The following ALPK1 variants were observed in gnomAD, a reference collection of about 807,000 sequenced individuals.
ALPK1 encodes the protein alpha-protein kinase 1.
Under a neutral mutation model 120.6 loss-of-function variants are expected in ALPK1, and 110 were observed. That is an observed-to-expected ratio of 0.91 (90% CI 0.78 to 1.07). ALPK1 has a LOEUF of 1.07. Ranked by LOEUF, ALPK1 falls within the 50% of genes least tolerant of loss-of-function variation. ALPK1 has a pLI of 0.00. For synonymous variants in ALPK1, 582 were observed against 560.3 expected (o/e 1.04, Z -0.55); for missense variants, 1,498 against 1,483.9 (o/e 1.01, Z -0.16).
At chr4:112,390,404 T>C (rs1335533847) in intron 4 of ALPK1, among the ~76,000 whole-genome samples, 4 of 152,228 alleles carry the variant, frequency 2.6e-5, no homozygotes, top group Admixed American at 2.6e-4. Context: ...CTATAAGGTA[T>C]CACCTTTTCA....
chr4:112,355,598 G>A (rs1296800504), intron 2 of ALPK1, among the ~76,000 whole-genome samples: 1 of 152,234 alleles, frequency 6.6e-6, no homozygotes, highest in Non-Finnish European at 1.5e-5. Context: ...ATGGAACGGA[G>A]ACCCTGGTCG....
intron 2 of ALPK1, among the ~76,000 whole-genome samples, chr4:112,373,366 C>A (rs1731502840): frequency 6.6e-6 from 1 of 152,192 alleles, no homozygotes; most frequent in Non-Finnish European, 1.5e-5. Flanking sequence ...CTGCTCAGTT[C>A]TTTTCCTAGG....
In ALPK1 at chr4:112,411,832, C is replaced by T. The variant is rs755738158; in HGVS notation, c.282C>T (p.Ser94=). The change falls in exon 5 of 16, where the codon TCC becomes TCT. Residue 94 remains serine, a synonymous_variant. Transcript: ENST00000650871. The part of the protein sequence containing the change: ...IGAGLQQLLA[S]LRASILARDC... Reference sequence around the variant, plus strand: ...GTTCCACGCTGTTCCTCCAGGCGTCCCTGAGGGCCTCCATCCTCGCTCGGG... The same window carrying T: ...GTTCCACGCTGTTCCTCCAGGCGTCTCTGAGGGCCTCCATCCTCGCTCGGG... 1 of 1,611,048 alleles carries T rather than the reference C, an allele frequency of 6.2e-7. No individual in the cohort carries two copies. Among genetic ancestry groups the T allele is most frequent in the South Asian group, 1.1e-5 (1 of 90,566 alleles).
At chr4:112,432,636 C>A in intron 11 of ALPK1, 55 bp downstream of exon 11, 3 of 1,503,652 alleles carry the variant, frequency 2.0e-6, no homozygotes, top group Non-Finnish European at 2.7e-6. Flanking sequence ...TGTTGGGGCA[C>A]TCTGAAGAGC....
chr4:112,377,952 C>A, intron 3 of ALPK1, 54 bp downstream of exon 3: 1 of 1,536,402 alleles, frequency 6.5e-7, no homozygotes, highest in South Asian at 1.2e-5. Context: ...ACTCTCCTGT[C>A]CCCTGCCTGA....
intron 2 of ALPK1, chr4:112,358,058 C>T (rs1039708112): frequency 5.8e-5 from 34 of 588,518 alleles, no homozygotes; most frequent in Non-Finnish European, 1.1e-4. Flanking sequence ...CACGGGCCTC[C>T]ATAGCCCCCA....
At chr4:112,439,897 T>C in intron 14 of ALPK1, 25 bp downstream of exon 14, 2 of 1,525,532 alleles carry the variant, frequency 1.3e-6, no homozygotes, top group Non-Finnish European at 1.8e-6. Context: ...GAATTATTTT[T>C]ATTTTTAATA....
intron 2 of ALPK1, chr4:112,356,050 T>G: frequency 1.3e-6 from 1 of 785,102 alleles, no homozygotes; most frequent in Non-Finnish European, 2.3e-6. Flanking sequence ...GCTGAGAGCC[T>G]GAGATGTTTG....
chr4:112,354,989 C>A (rs558126975), intron 2 of ALPK1, among the ~76,000 whole-genome samples: 187 of 152,182 alleles, frequency 1.2e-3, no homozygotes, highest in Middle Eastern at 3.4e-3. Context: ...GAGATTTTGA[C>A]TGGAGTTGCA....
At chr4:112,325,378 G>C (rs954963145) in intron 2 of ALPK1, among the ~76,000 whole-genome samples, 4 of 152,154 alleles carry the variant, frequency 2.6e-5, no homozygotes, top group African/African-American at 9.7e-5. Context: ...GACTTAAACA[G>C]TTCCTTAGAA....
At chr4:112,377,965 G>A in intron 3 of ALPK1, 67 bp downstream of exon 3, 4 of 1,496,946 alleles carry the variant, frequency 2.7e-6, no homozygotes, top group Non-Finnish European at 3.6e-6. Context: ...CTGCCTGAAC[G>A]ACACGTTCTT....
At chr4:112,392,459 C>T (rs1484705328) in intron 4 of ALPK1, among the ~76,000 whole-genome samples, 1 of 152,182 alleles carries the variant, frequency 6.6e-6, no homozygotes, top group Non-Finnish European at 1.5e-5. Flanking sequence ...AGCATATCAT[C>T]TCATTCTTAG....
chr4:112,432,114 A>G lies in ALPK1; in HGVS notation c.2567A>G (p.Gln856Arg), dbSNP rs762656276. Residue 856 changes from glutamine (Q) to arginine (R), a missense_variant, in exon 11 of 16, where the codon CAA becomes CGA. By Grantham distance (43) the Gln-to-Arg change is conservative. Transcript: ENST00000650871. ...GCCTCCACAGTGGATGAGGAGGGGC[A>G]ACTGCTCGACAGCATGGATGTTCCC... ...PDASTVDEEG[Q>R]LLDSMDVPCT... 5 of 1,614,086 alleles carry G rather than the reference A, an allele frequency of 3.1e-6. No individual in the cohort carries two copies. In the African/African-American group the frequency reaches 6.7e-5, roughly 22 times the overall value.
At position 112,382,427 on chromosome 4, in the gene ALPK1, A is replaced by T; in HGVS notation, c.151A>T (p.Ile51Phe). The change falls in exon 4 of 16, where the codon ATC becomes TTC. Residue 51 changes from isoleucine (I) to phenylalanine (F), a missense_variant. By Grantham distance (21) the Ile-to-Phe change is conservative (BLOSUM62 0). Coordinates refer to ENST00000650871, the MANE Select transcript of ALPK1 (RefSeq NM_025144.4). ...ACTCCCCAGCGAGTTAAGGACCCTG[A>T]TCCAGGAGGCAAAGGAAATGAAGTG... ...ALLPSELRTL[I>F]QEAKEMKWPF... The T allele has an allele frequency of 6.2e-7, 1 of 1,613,484 alleles. No individual in the cohort carries two copies. The highest frequency in any genetic ancestry group is 8.5e-7 in the Non-Finnish European group (1 of 1,179,978).
intron 13 of ALPK1, among the ~76,000 whole-genome samples, 170 bp from the exon 14 acceptor site, chr4:112,439,516 C>A (rs1168911207): frequency 6.6e-6 from 1 of 152,206 alleles, no homozygotes; most frequent in Non-Finnish European, 1.5e-5. Context: ...CTTGCATAAT[C>A]CCTTTAACAA....
Position 112,329,989 on chromosome 4 carries a change from G to A in ALPK1, c.-101+14137G>A, listed in dbSNP as rs376901365. Among the ~76,000 whole-genome samples the A allele has an allele frequency of 3.3e-5, 5 of 152,214 alleles. No individual in the cohort carries two copies. The East Asian group carries it at 5.8e-4, about 18-fold the overall frequency. ...TATTTACTTAAGTACATATGAAAAG[G>A]AATTGAAGTGACATGCACTACTAAA... is the stretch of plus-strand genomic sequence containing the variant. On this transcript the variant is annotated intron_variant, in intron 2 of 15. Coordinates refer to ENST00000650871, the MANE Select transcript of ALPK1 (RefSeq NM_025144.4).
intron 4 of ALPK1, among the ~76,000 whole-genome samples, chr4:112,385,024 C>T (rs1732091386): frequency 6.6e-6 from 1 of 152,128 alleles, no homozygotes; most frequent in Non-Finnish European, 1.5e-5. Flanking sequence ...AGTGACTCAG[C>T]TTTGACTTTT....
intron 6 of ALPK1, 152 bp downstream of exon 6, chr4:112,424,155 T>C (rs1002129461): frequency 4.5e-6 from 3 of 659,536 alleles, no homozygotes; most frequent in Non-Finnish European, 7.5e-6. Context: ...GAAGAAGCTT[T>C]GATCAAGCAG....
At chr4:112,428,528 T>C (rs1429780440) in intron 9 of ALPK1, among the ~76,000 whole-genome samples, 2 of 152,236 alleles carry the variant, frequency 1.3e-5, no homozygotes, top group African/African-American at 4.8e-5. Context: ...ATCATGTCCC[T>C]TGTTCACTGA....
Sources: allele counts gnomAD v4.1 joint callset (sites outside exome capture counted in the v4.1 genomes callset), GRCh38; gene constraint gnomAD v4.1.1; transcripts MANE v1.5; gene names NCBI Gene and HGNC (gene_info 2026-07-23, HGNC 2026-07-21).